Variants in DHX35 observed in about 807,000 individuals in gnomAD.
DHX35 encodes the protein probable ATP-dependent RNA helicase DHX35.
A neutral mutation model predicts 99.6 loss-of-function variants in DHX35; 84 were observed. The ratio of observed to expected loss-of-function variants is 0.84; its 90% confidence interval spans 0.71 to 1.01. The LOEUF (loss-of-function observed/expected upper bound fraction) is 1.01. Ranked by LOEUF, DHX35 falls within the 50% of genes least tolerant of loss-of-function variation. The pLI is 0.00. For missense variants in DHX35, 852 were observed against 888.5 expected (o/e 0.96, Z 0.52); for synonymous variants, 331 against 316.2 (o/e 1.05, Z -0.50).
In DHX35 at chr20:39,025,183, G is replaced by A. The variant is rs768836228; in HGVS notation, c.1672-47G>A. The A allele has an allele frequency of 2.0e-5, 32 of 1,575,100 alleles. No individual in the cohort carries two copies. The African/African-American group carries it at 2.7e-4, about 13-fold the overall frequency. Reference sequence around the variant, plus strand: ...TGATCTTTACAACATAGCCTTAGTCGAGAACATATCTGTTTTCTAACTCCC... The same window carrying A: ...TGATCTTTACAACATAGCCTTAGTCAAGAACATATCTGTTTTCTAACTCCC... On this transcript the variant is annotated intron_variant, in intron 17 of 21. Coordinates refer to ENST00000252011, the MANE Select transcript of DHX35 (RefSeq NM_021931.4).
At chr20:39,030,599 G>T in intron 19 of DHX35, 105 bp from the exon 20 acceptor site, 2 of 1,028,204 alleles carry the variant, frequency 1.9e-6, no homozygotes, top group Admixed American at 2.0e-5. Context: ...TGCTTGTGAC[G>T]AGTTCAGTCT....
rs567548015 is a variant in DHX35, at chr20:39,003,741, G to C, written c.853-8G>C. Reference sequence around the variant, plus strand: ...CGGTTTCTTTGGTTCCTGGTTCAACGTCTTTAGGAAGAGGTAGAAACTGTT... The same window carrying C: ...CGGTTTCTTTGGTTCCTGGTTCAACCTCTTTAGGAAGAGGTAGAAACTGTT... On this transcript the variant is annotated splice_polypyrimidine_tract_variant and splice_region_variant and intron_variant, in intron 10 of 21. Transcript: ENST00000252011. The C allele has an allele frequency of 1.2e-6, 2 of 1,601,706 alleles. No individual in the cohort carries two copies. The highest frequency in any genetic ancestry group is 1.7e-6 in the Non-Finnish European group (2 of 1,170,204).
intron 8 of DHX35, among the ~76,000 whole-genome samples, chr20:38,999,528 C>T (rs889329754): frequency 2.6e-5 from 4 of 152,196 alleles, no homozygotes; most frequent in South Asian, 2.1e-4. Flanking sequence ...GTCTCTTTCT[C>T]ATGATCATAG....
chr20:39,031,812 C>T (rs2087058888), intron 20 of DHX35, among the ~76,000 whole-genome samples: 1 of 152,180 alleles, frequency 6.6e-6, no homozygotes, highest in African/African-American at 2.4e-5. Flanking sequence ...AGTGTTCAGT[C>T]AGAAAGGACC....
At chr20:39,019,425 T>G (rs991719216) in intron 15 of DHX35, among the ~76,000 whole-genome samples, 1 of 152,236 alleles carries the variant, frequency 6.6e-6, no homozygotes, top group Non-Finnish European at 1.5e-5. Context: ...ACAGACACTT[T>G]GGTTGCTTCT....
chr20:38,993,640 C>T (rs1217197533), intron 7 of DHX35, among the ~76,000 whole-genome samples: 1 of 151,594 alleles, frequency 6.6e-6, no homozygotes, highest in African/African-American at 2.4e-5. Context: ...GTTGGGATTA[C>T]AGGCGTGAGC....
At chr20:38,980,278 T>C (rs2086151627) in intron 3 of DHX35, among the ~76,000 whole-genome samples, 1 of 152,226 alleles carries the variant, frequency 6.6e-6, no homozygotes, top group Non-Finnish European at 1.5e-5. Flanking sequence ...TGTTTATGTG[T>C]CATGACTTTG....
At chr20:39,032,176 G>T (rs1447783512) in intron 20 of DHX35, among the ~76,000 whole-genome samples, 6 of 151,880 alleles carry the variant, frequency 4.0e-5, no homozygotes, top group African/African-American at 7.3e-5. Context: ...TTGTTTTTTT[G>T]AGACAGTGTC....
chr20:39,033,362 C>G (rs1045005726), intron 20 of DHX35, among the ~76,000 whole-genome samples: 2 of 152,070 alleles, frequency 1.3e-5, no homozygotes, highest in African/African-American at 4.8e-5. Context: ...TTTCTTGCTT[C>G]ATTCCTAAGG....
intron 4 of DHX35, among the ~76,000 whole-genome samples, chr20:38,986,920 G>C (rs2086258524): frequency 6.6e-6 from 1 of 152,208 alleles, no homozygotes; most frequent in Non-Finnish European, 1.5e-5. Context: ...ACACTGATGG[G>C]CAGGAAACGC....
intron 9 of DHX35, 87 bp from the exon 10 acceptor site, chr20:39,002,685 T>C (rs2086540634): frequency 4.1e-6 from 5 of 1,211,724 alleles, no homozygotes; most frequent in Non-Finnish European, 4.8e-6. Flanking sequence ...CTCACTTTGA[T>C]GAGCTTTGCT....
chr20:38,971,369 CA>C (rs2085994257), intron 2 of DHX35, among the ~76,000 whole-genome samples: 1 of 152,076 alleles, frequency 6.6e-6, no homozygotes, highest in African/African-American at 2.4e-5. Flanking sequence ...CAAAACAAAA[CA>C]AAACAATGTT....
chr20:39,015,549 G>A lies in DHX35; in HGVS notation c.1402+615G>A, dbSNP rs146243500. On this transcript the variant is annotated intron_variant, in intron 14 of 21. Coordinates refer to ENST00000252011, the MANE Select transcript of DHX35 (RefSeq NM_021931.4). ...GAGAAAATCATAGTCTGAATTCACC[G>A]CTTTGGGGAGTACTGTTTCTTCTGT... 6.8e-3 allele frequency among the ~76,000 whole-genome samples: 1,032 copies of A among 152,250 alleles called. 5 individuals are homozygous for A. The highest frequency in any genetic ancestry group is 0.011 in the Non-Finnish European group (776 of 68,012).
intron 13 of DHX35, among the ~76,000 whole-genome samples, chr20:39,011,256 G>T (rs1440960619): frequency 7.0e-6 from 1 of 142,970 alleles, no homozygotes. Flanking sequence ...ATATTTTACT[G>T]TTTTTTTTTT....
At chr20:39,006,048 G>T in intron 11 of DHX35, 98 bp from the exon 12 acceptor site, 1 of 1,368,192 alleles carries the variant, frequency 7.3e-7, no homozygotes. Flanking sequence ...CACAGATTCT[G>T]CAATGTTGGA....
intron 4 of DHX35, among the ~76,000 whole-genome samples, chr20:38,984,896 T>A (rs1479719281): frequency 7.8e-6 from 1 of 128,796 alleles, no homozygotes; most frequent in African/African-American, 3.4e-5. Context: ...ATCATTCAGC[T>A]TTTTTTTTTT....
At chr20:38,982,410 C>T (rs765366763) in intron 3 of DHX35, among the ~76,000 whole-genome samples, 1 of 152,210 alleles carries the variant, frequency 6.6e-6, no homozygotes, top group African/African-American at 2.4e-5. Flanking sequence ...TTCTCCACCC[C>T]CTGCAGTGTG....
intron 16 of DHX35, among the ~76,000 whole-genome samples, chr20:39,022,929 C>T (rs1345457810): frequency 6.6e-6 from 1 of 152,168 alleles, no homozygotes. Context: ...CAGCCTTATG[C>T]ATGGAGGGGC....
intron 8 of DHX35, among the ~76,000 whole-genome samples, chr20:39,000,047 T>C (rs1359017869): frequency 6.6e-6 from 1 of 152,242 alleles, no homozygotes; most frequent in African/African-American, 2.4e-5. Context: ...GACTCAGAGA[T>C]GAGGAGGCCT....
Sources: gnomAD v4.1 joint callset for allele counts (sites outside exome capture counted in the v4.1 genomes callset) on GRCh38, gnomAD v4.1.1 for gene constraint, MANE v1.5 for transcripts, NCBI Gene and HGNC (gene_info 2026-07-23, HGNC 2026-07-21) for gene names.